The following GLMN variants were observed in gnomAD, a reference collection of about 807,000 sequenced individuals.
GLMN encodes glomulin.
A neutral mutation model predicts 87.8 loss-of-function variants in GLMN; 75 were observed. The ratio of observed to expected loss-of-function variants is 0.85; its 90% CI spans 0.71 to 1.04. The LOEUF is 1.04. Among genes scored for constraint, GLMN ranks in the 50% least tolerant of loss-of-function variants. GLMN has a pLI of 0.00. For synonymous variants in GLMN, 206 were observed against 221.6 expected, an observed-to-expected ratio of 0.93 and a Z score of 0.63; for missense variants, 588 against 658.8, an observed-to-expected ratio of 0.89 and a Z score of 1.18.
At chr1:92,336,295 A>G in the GLMN span, 1 of 1,305,104 alleles carries the variant, frequency 7.7e-7, no homozygotes, top group Admixed American at 1.8e-5. Flanking sequence ...TGACCCAAAA[A>G]AAGTTTCCAT....
At chr1:92,312,650 C>G in the GLMN span, among the ~76,000 whole-genome samples, 2 of 152,110 alleles carry the variant, frequency 1.3e-5, no homozygotes, top group Non-Finnish European at 2.9e-5. Flanking sequence ...TCTTCAAGCT[C>G]CACTTCTAAT....
chr1:92,316,992 A>T, the GLMN span, among the ~76,000 whole-genome samples: 1 of 152,192 alleles, frequency 6.6e-6, no homozygotes, highest in Non-Finnish European at 1.5e-5. Flanking sequence ...AAATTACACA[A>T]AGGAGAAGAA....
chr1:92,250,902 T>C (rs1009291328), intron 16 of GLMN, among the ~76,000 whole-genome samples: 31 of 152,180 alleles, frequency 2.0e-4, no homozygotes, highest in African/African-American at 7.2e-4. Context: ...GACAAAGATA[T>C]ATAGTGATAT....
chr1:92,260,124 A>G (rs1414806161), intron 16 of GLMN, among the ~76,000 whole-genome samples: 1 of 152,166 alleles, frequency 6.6e-6, no homozygotes, highest in Non-Finnish European at 1.5e-5. Context: ...CCTCTCAGTT[A>G]TTGACACGAC....
intron 16 of GLMN, among the ~76,000 whole-genome samples, chr1:92,257,477 T>A (rs182217779): frequency 1.4e-4 from 22 of 152,210 alleles, no homozygotes; most frequent in African/African-American, 5.1e-4. Flanking sequence ...GGAGGCATCA[T>A]GCTACCTGAC....
chr1:92,321,456 C>A, the GLMN span, among the ~76,000 whole-genome samples: 1 of 151,816 alleles, frequency 6.6e-6, no homozygotes, highest in Admixed American at 6.6e-5. Context: ...ACCTTGCTTT[C>A]AACTTTTATA....
At chr1:92,289,348 T>C (rs1461424979) in intron 5 of GLMN, among the ~76,000 whole-genome samples, 197 bp from the exon 6 acceptor site, 1 of 152,206 alleles carries the variant, frequency 6.6e-6, no homozygotes, top group African/African-American at 2.4e-5. Flanking sequence ...TGCCATGAAA[T>C]GCTGTTTAGG....
At chr1:92,309,070 C>T in the GLMN span, among the ~76,000 whole-genome samples, 3 of 152,180 alleles carry the variant, frequency 2.0e-5, no homozygotes, top group South Asian at 6.2e-4. Flanking sequence ...AACTTGAAGC[C>T]CTTTTACTTT....
chr1:92,297,068 T>A (rs1650153588), intron 3 of GLMN, among the ~76,000 whole-genome samples: 1 of 152,102 alleles, frequency 6.6e-6, no homozygotes, highest in African/African-American at 2.4e-5. Flanking sequence ...TACATGTTTA[T>A]GTTTGACCAG....
intron 3 of GLMN, among the ~76,000 whole-genome samples, chr1:92,294,829 C>T (rs1029980046): frequency 1.3e-5 from 2 of 152,120 alleles, no homozygotes; most frequent in Admixed American, 6.5e-5. Context: ...CAGGGGCGCA[C>T]CATCACGCCC....
intron 7 of GLMN, among the ~76,000 whole-genome samples, chr1:92,285,455 G>A (rs1200481039): frequency 6.6e-6 from 1 of 152,124 alleles, no homozygotes; most frequent in Non-Finnish European, 1.5e-5. Context: ...CACACACCAT[G>A]GCTGGTTGGG....
intron 16 of GLMN, among the ~76,000 whole-genome samples, chr1:92,249,890 C>A (rs1419548641): frequency 2.6e-5 from 4 of 152,148 alleles, no homozygotes; most frequent in African/African-American, 4.8e-5. Flanking sequence ...CTGGGCCTGG[C>A]ATATTTCAAT....
chr1:92,302,590 ATTTTTTTTTTT>A (rs36067595), upstream of GLMN, among the ~76,000 whole-genome samples: 31 of 74,316 alleles, frequency 4.2e-4, no homozygotes, highest in South Asian at 1.3e-3. Context: ...TCCGCATTAA[ATTTTTTTTTTT>A]TTTTTTTTTT....
the GLMN span, among the ~76,000 whole-genome samples, chr1:92,346,353 A>G: frequency 1.3e-5 from 2 of 151,896 alleles, no homozygotes; most frequent in East Asian, 1.9e-4. Context: ...TTGTAGAGAC[A>G]GTGTCTTGCT....
At chr1:92,346,323 C>T in the GLMN span, among the ~76,000 whole-genome samples, 1 of 152,000 alleles carries the variant, frequency 6.6e-6, no homozygotes, top group African/African-American at 2.4e-5. Flanking sequence ...ACCACCATGC[C>T]TGGCTAATTT....
chr1:92,351,344 A>C, the GLMN span, among the ~76,000 whole-genome samples: 15 of 150,920 alleles, frequency 9.9e-5, no homozygotes, highest in African/African-American at 3.7e-4. Flanking sequence ...GACCATAATG[A>C]ATTGCATAAA....
At chr1:92,369,072 T>C in the GLMN span, among the ~76,000 whole-genome samples, 26 of 152,320 alleles carry the variant, frequency 1.7e-4, no homozygotes, top group African/African-American at 5.8e-4. Context: ...GTGTCACCTT[T>C]TGAGGTTTTT....
At chr1:92,283,646 AG>A (rs1413079066) in intron 7 of GLMN, among the ~76,000 whole-genome samples, 1 of 152,210 alleles carries the variant, frequency 6.6e-6, no homozygotes, top group East Asian at 1.9e-4. Flanking sequence ...AAAGAAATAA[AG>A]GGTATTTGAT....
At chr1:92,296,337 G>A (rs1650046145) in intron 3 of GLMN, among the ~76,000 whole-genome samples, 1 of 152,178 alleles carries the variant, frequency 6.6e-6, no homozygotes, top group South Asian at 2.1e-4. Context: ...AAGAAAAGAG[G>A]TTTAATTGAC....
Sources: allele counts gnomAD v4.1 joint callset (sites outside exome capture counted in the v4.1 genomes callset), GRCh38; gene constraint gnomAD v4.1.1; transcripts MANE v1.5; gene names NCBI Gene and HGNC (gene_info 2026-07-23, HGNC 2026-07-21).